The following LYRM4 variants were observed in gnomAD, a reference collection of about 807,000 sequenced individuals.
The protein encoded by LYRM4 is LYR motif-containing protein 4.
Under a neutral mutation model 11.7 loss-of-function variants are expected in LYRM4, and 9 were observed. The observed-to-expected ratio is 0.77, with a 90% CI of 0.46 to 1.34. LYRM4 has a LOEUF of 1.34. Ranked by LOEUF, LYRM4 falls within the 40% of genes most tolerant of loss-of-function variation. The pLI, the probability that LYRM4 is intolerant of heterozygous loss-of-function variation, is 0.00. For synonymous variants in LYRM4, 42 were observed against 40.4 expected, an observed-to-expected ratio of 1.04 and a Z score of -0.15; for missense variants, 133 against 112.5, an observed-to-expected ratio of 1.18 and a Z score of -0.82.
At chr6:5,163,762 C>G (rs1432695724) in intron 2 of LYRM4, among the ~76,000 whole-genome samples, 1 of 151,840 alleles carries the variant, frequency 6.6e-6, no homozygotes, top group Admixed American at 6.6e-5. Context: ...TACAGGCATG[C>G]ACCACCATGC....
At chr6:5,088,911 G>A in the LYRM4 span, 1 of 152,172 alleles carries the variant, frequency 6.6e-6, no homozygotes, top group Non-Finnish European at 1.5e-5. Flanking sequence ...CATAGCACCC[G>A]TTTGAATTGG....
At chr6:5,187,262 G>A (rs79008312) in intron 2 of LYRM4, among the ~76,000 whole-genome samples, 1,778 of 152,196 alleles carry the variant, frequency 0.012, 33 homozygotes, top group African/African-American at 0.04. Flanking sequence ...ACAGTAAGTC[G>A]TTCAGTCCAC....
chr6:5,060,502 G>A, the LYRM4 span, among the ~76,000 whole-genome samples: 1 of 71,802 alleles, frequency 1.4e-5, no homozygotes, highest in East Asian at 2.5e-4. Context: ...TTCGATTTTT[G>A]TATTTTTTTT....
At chr6:5,092,098 A>G in the LYRM4 span, among the ~76,000 whole-genome samples, 2 of 152,216 alleles carry the variant, frequency 1.3e-5, no homozygotes, top group Non-Finnish European at 2.9e-5. Flanking sequence ...GAAACATTTC[A>G]TCTTTAAGTT....
chr6:5,119,260 A>G (rs1326175969), intron 2 of LYRM4, among the ~76,000 whole-genome samples: 23 of 152,184 alleles, frequency 1.5e-4, no homozygotes, highest in Admixed American at 1.5e-3. Flanking sequence ...TTAATAATTA[A>G]TATGTTTCGT....
intron 2 of LYRM4, among the ~76,000 whole-genome samples, chr6:5,152,184 T>C (rs1758125983): frequency 6.6e-6 from 1 of 152,174 alleles, no homozygotes; most frequent in African/African-American, 2.4e-5. Flanking sequence ...AGGAGCAACA[T>C]GACGCTGAGA....
At chr6:5,235,712 A>G (rs1429066786) in intron 1 of LYRM4, among the ~76,000 whole-genome samples, 1 of 152,232 alleles carries the variant, frequency 6.6e-6, no homozygotes, top group African/African-American at 2.4e-5. Context: ...GATGTAAGTT[A>G]CTTTCAAATT....
At chr6:5,083,589 C>T in the LYRM4 span, among the ~76,000 whole-genome samples, 11 of 152,274 alleles carry the variant, frequency 7.2e-5, no homozygotes, top group Middle Eastern at 3.4e-3. Context: ...GGGGCCTTGG[C>T]GATGAGAAAT....
At chr6:5,138,721 A>G (rs1757245915) in intron 2 of LYRM4, 1 of 1,533,418 alleles carries the variant, frequency 6.5e-7, no homozygotes, top group Non-Finnish European at 8.7e-7. Context: ...GTGGCAGACA[A>G]TGACTATGGA....
chr6:5,237,497 A>G (rs1464588134), intron 1 of LYRM4, among the ~76,000 whole-genome samples: 1 of 152,082 alleles, frequency 6.6e-6, no homozygotes, highest in Admixed American at 6.5e-5. Context: ...TAATAAACAG[A>G]AATAAGTACA....
At chr6:5,041,975 A>G in the LYRM4 span, among the ~76,000 whole-genome samples, 1 of 152,350 alleles carries the variant, frequency 6.6e-6, no homozygotes, top group Non-Finnish European at 1.5e-5. Flanking sequence ...TTGTTTTAAA[A>G]GTATTCTTGT....
At chr6:5,170,880 G>A (rs1005711090) in intron 2 of LYRM4, among the ~76,000 whole-genome samples, 6 of 152,206 alleles carry the variant, frequency 3.9e-5, no homozygotes, top group African/African-American at 7.2e-5. Context: ...AGCAAAAGCT[G>A]AAGTGACCTA....
chr6:5,229,944 C>G (rs1317782144), intron 1 of LYRM4, among the ~76,000 whole-genome samples: 1 of 152,204 alleles, frequency 6.6e-6, no homozygotes, highest in Non-Finnish European at 1.5e-5. Context: ...TATAATTTAT[C>G]AAAATTAAAC....
chr6:5,254,270 A>G (rs1006572252), intron 1 of LYRM4, among the ~76,000 whole-genome samples: 2 of 152,220 alleles, frequency 1.3e-5, no homozygotes, highest in Non-Finnish European at 2.9e-5. Context: ...ACTTCTCGCT[A>G]ACCAACTTCC....
At chr6:5,176,896 C>T (rs1759751610) in intron 2 of LYRM4, among the ~76,000 whole-genome samples, 1 of 152,146 alleles carries the variant, frequency 6.6e-6, no homozygotes, top group Non-Finnish European at 1.5e-5. Context: ...CCCCAAGCTT[C>T]CCATCACATA....
intron 2 of LYRM4, among the ~76,000 whole-genome samples, chr6:5,115,960 G>T (rs867148465): frequency 1.3e-5 from 2 of 152,160 alleles, no homozygotes; most frequent in African/African-American, 2.4e-5. Context: ...ATGAGCATCG[G>T]TGACTGAGGG....
intron 2 of LYRM4, among the ~76,000 whole-genome samples, chr6:5,211,614 A>T (rs1761990371): frequency 6.6e-6 from 1 of 152,184 alleles, no homozygotes; most frequent in African/African-American, 2.4e-5. Flanking sequence ...GGTGTAATAC[A>T]TCCACTATTT....
At chr6:5,208,539 A>G (rs1761827529) in intron 2 of LYRM4, among the ~76,000 whole-genome samples, 1 of 152,348 alleles carries the variant, frequency 6.6e-6, no homozygotes, top group Non-Finnish European at 1.5e-5. Context: ...GAAATACACT[A>G]AAGGAAAACT....
chr6:5,199,362 G>C (rs1355751610), intron 2 of LYRM4, among the ~76,000 whole-genome samples: 1 of 152,226 alleles, frequency 6.6e-6, no homozygotes, highest in Non-Finnish European at 1.5e-5. Flanking sequence ...GGCTAGGGAA[G>C]AGTGGGTTGG....
Sources: allele counts gnomAD v4.1 joint callset (sites outside exome capture counted in the v4.1 genomes callset), GRCh38; gene constraint gnomAD v4.1.1; transcripts MANE v1.5; gene names NCBI Gene and HGNC (gene_info 2026-07-23, HGNC 2026-07-21).